The following SUCLG2 variants were observed in gnomAD, a reference collection of about 807,000 sequenced individuals.
SUCLG2 encodes succinate--CoA ligase [GDP-forming] subunit beta, mitochondrial.
Under a neutral mutation model 47.9 loss-of-function variants are expected in SUCLG2, and 42 were observed. The observed-to-expected ratio is 0.88, with a 90% CI of 0.69 to 1.14. The LOEUF (loss-of-function observed/expected upper bound fraction) is 1.14, where lower values mean the gene tolerates loss of function less well. SUCLG2 is among the 50% of genes most tolerant of loss of function. The probability of loss-of-function intolerance (pLI) is 0.00; values close to 1 mark genes in which losing one functional copy is unlikely to be tolerated. For missense variants in SUCLG2, 571 were observed against 525.9 expected (o/e 1.09, Z -0.84); for synonymous variants, 195 against 197.3 (o/e 0.99, Z 0.10).
intron 5 of SUCLG2, among the ~76,000 whole-genome samples, chr3:67,518,964 A>G (rs181770587): frequency 3.2e-4 from 48 of 152,280 alleles, no homozygotes; most frequent in African/African-American, 9.6e-4. Context: ...TTATTATATA[A>G]TATTAGTGAA....
intron 9 of SUCLG2, among the ~76,000 whole-genome samples, chr3:67,474,364 G>C (rs546092366): frequency 1.4e-3 from 213 of 152,282 alleles, no homozygotes; most frequent in Non-Finnish European, 2.5e-3. Flanking sequence ...GTGATAAAAT[G>C]CCGCAAAATA....
At chr3:67,566,105 C>G (rs561932560) in intron 2 of SUCLG2, among the ~76,000 whole-genome samples, 2 of 152,206 alleles carry the variant, frequency 1.3e-5, no homozygotes, top group African/African-American at 4.8e-5. Context: ...TTGCATTCAA[C>G]GACAAGCACT....
intron 2 of SUCLG2, among the ~76,000 whole-genome samples, chr3:67,529,812 T>C (rs763002058): frequency 1.3e-5 from 2 of 152,188 alleles, no homozygotes; most frequent in Admixed American, 6.5e-5. Flanking sequence ...GGAATCTTTG[T>C]TTCTCATCAC....
chr3:67,654,407 G>C, intron 1 of SUCLG2, 96 bp downstream of exon 1: 1 of 1,040,858 alleles, frequency 9.6e-7, no homozygotes, highest in Non-Finnish European at 1.2e-6. Context: ...GGGCCGCGCA[G>C]GGGGTCAGGC....
intron 10 of SUCLG2, among the ~76,000 whole-genome samples, chr3:67,379,723 C>G (rs1409773517): frequency 2.0e-5 from 3 of 152,226 alleles, no homozygotes; most frequent in Non-Finnish European, 4.4e-5. Context: ...TGGGCTGACA[C>G]CTCTCTCCAC....
chr3:67,500,608 T>A lies in SUCLG2; in HGVS notation c.758-2313A>T, dbSNP rs1194935286. Among the ~76,000 whole-genome samples, 3 of 152,182 alleles carry A rather than the reference T, an allele frequency of 2.0e-5. No individual in the cohort carries two copies. In the East Asian group the frequency reaches 5.8e-4, roughly 29 times the overall value. ...TTCTCTGCTTGCTACAGGGGAATTT[T>A]CTCAGCAGTTAATGACTGGTATAAT... On this transcript the variant is annotated intron_variant, in intron 7 of 10. Transcript: ENST00000307227.
At chr3:67,553,439 A>G (rs1043320522) in intron 2 of SUCLG2, among the ~76,000 whole-genome samples, 1 of 152,228 alleles carries the variant, frequency 6.6e-6, no homozygotes, top group South Asian at 2.1e-4. Flanking sequence ...CATTCTACTT[A>G]TAAGCTGAAA....
At chr3:67,470,999 G>A (rs914815804) in intron 9 of SUCLG2, among the ~76,000 whole-genome samples, 9 of 152,054 alleles carry the variant, frequency 5.9e-5, no homozygotes, top group Non-Finnish European at 8.8e-5. Context: ...GATGGGTTAC[G>A]CAAAAAGGGA....
At chr3:67,599,043 T>C (rs954808330) in intron 2 of SUCLG2, among the ~76,000 whole-genome samples, 2 of 152,202 alleles carry the variant, frequency 1.3e-5, no homozygotes, top group African/African-American at 4.8e-5. Context: ...CTACCCATTA[T>C]TGGAAACTTT....
chr3:67,578,022 A>G (rs1707787299), intron 2 of SUCLG2, among the ~76,000 whole-genome samples: 1 of 151,902 alleles, frequency 6.6e-6, no homozygotes, highest in Admixed American at 6.6e-5. Flanking sequence ...AGGGGGGAAG[A>G]CCAGGGGTTT....
At chr3:67,479,531 A>G (rs1322830800) in intron 9 of SUCLG2, among the ~76,000 whole-genome samples, 2 of 152,228 alleles carry the variant, frequency 1.3e-5, no homozygotes, top group Non-Finnish European at 2.9e-5. Context: ...CCCAGACAGC[A>G]CAAGGAACAC....
intron 10 of SUCLG2, 145 bp downstream of exon 10, chr3:67,400,586 G>T: frequency 9.0e-7 from 1 of 1,109,698 alleles, no homozygotes; most frequent in African/African-American, 1.6e-5. Flanking sequence ...GAGGCCCAGG[G>T]AAGTCCTGCC....
At chr3:67,490,864 G>A (rs141283892) in intron 9 of SUCLG2, among the ~76,000 whole-genome samples, 18 of 152,198 alleles carry the variant, frequency 1.2e-4, no homozygotes, top group African/African-American at 4.1e-4. Context: ...TGACAGAAAG[G>A]CCATAATGAG....
Position 67,375,487 on chromosome 3 carries a change from A to T in SUCLG2, c.*257T>A. The T allele has an allele frequency of 8.5e-7, 1 of 1,170,498 alleles. No homozygotes were observed. Among genetic ancestry groups the T allele is most frequent in the Non-Finnish European group, 1.1e-6 (1 of 946,098 alleles). The allele number at this position is 1,170,498 out of a possible 1,614,324, so 72.5% of individuals were successfully genotyped here. ...CATAGACCACTCCCCAAAGTCTGCA[A>T]AACACTGCCTACTGGGCAGGCTTAC... On this transcript the variant is annotated 3_prime_UTR_variant, in exon 11 of 11. Transcript: ENST00000307227.
chr3:67,574,493 A>C (rs192054448), intron 2 of SUCLG2, among the ~76,000 whole-genome samples: 212 of 152,366 alleles, frequency 1.4e-3, no homozygotes, highest in African/African-American at 4.5e-3. Context: ...TCTGTTCAAA[A>C]AATGGTAGAG....
At chr3:67,559,232 C>T (rs1031823981) in intron 2 of SUCLG2, among the ~76,000 whole-genome samples, 9 of 152,052 alleles carry the variant, frequency 5.9e-5, no homozygotes, top group African/African-American at 1.4e-4. Flanking sequence ...AGGTCTTTTT[C>T]GATTGTAGTA....
intron 10 of SUCLG2, among the ~76,000 whole-genome samples, chr3:67,367,199 G>T (rs1701887530): frequency 6.6e-6 from 1 of 152,094 alleles, no homozygotes; most frequent in South Asian, 2.1e-4. Context: ...AATGTAAACT[G>T]AGTGAGATTT....
chr3:67,585,650 T>C (rs6797488), intron 2 of SUCLG2, among the ~76,000 whole-genome samples: 5 of 151,924 alleles, frequency 3.3e-5, no homozygotes, highest in African/African-American at 1.2e-4. Flanking sequence ...CTACCACTCA[T>C]GTTCCCTTGT....
intron 10 of SUCLG2, among the ~76,000 whole-genome samples, chr3:67,386,886 A>G (rs1210188282): frequency 6.6e-6 from 1 of 152,182 alleles, no homozygotes; most frequent in African/African-American, 2.4e-5. Flanking sequence ...AAAAAGTCCA[A>G]GGATATTTTG....
Sources: gnomAD v4.1 joint callset for allele counts (sites outside exome capture counted in the v4.1 genomes callset) on GRCh38, gnomAD v4.1.1 for gene constraint, MANE v1.5 for transcripts, NCBI Gene and HGNC (gene_info 2026-07-23, HGNC 2026-07-21) for gene names.